Variants in AKR1C1 observed in about 807,000 individuals in gnomAD.
AKR1C1 encodes 20 alpha-hydroxysteroid dehydrogenase.
In AKR1C1, 32 loss-of-function variants were observed where a neutral mutation model predicts 40.6. The observed-to-expected ratio is 0.79, with a 90% CI of 0.60 to 1.06. AKR1C1 has a LOEUF of 1.06. Ranked by LOEUF, AKR1C1 falls within the 50% of genes least tolerant of loss-of-function variation. The pLI is 0.00. For synonymous variants in AKR1C1, 105 were observed against 134.2 expected (o/e 0.78, Z 1.50); for missense variants, 320 against 363.5 (o/e 0.88, Z 0.97).
Position 4,965,954 on chromosome 10 carries a change from T to C in AKR1C1, c.125T>C (p.Ile42Thr), listed in dbSNP as rs375072627. The change falls in exon 2 of 9, where the codon ATT (isoleucine) becomes ACT (threonine). Residue 42 changes from isoleucine (I) to threonine (T), a missense_variant. Physicochemically the swap from Ile to Thr is moderately conservative, Grantham distance 89 (BLOSUM62 -1). Transcript: ENST00000380872. ...SKALEATKLA[I>T]EAGFRHIDSA... ...GCTTTAGAGGCCACCAAATTGGCAATTGAAGCTGGCTTCCGCCATATTGAT... is the reference window on the plus strand; with the variant it reads ...GCTTTAGAGGCCACCAAATTGGCAACTGAAGCTGGCTTCCGCCATATTGAT... The C allele has an allele frequency of 9.3e-6, 15 of 1,614,188 alleles. No individual in the cohort carries two copies. The African/African-American group carries it at 1.6e-4, about 17-fold the overall frequency.
Position 4,981,588 on chromosome 10 carries a change from A to G in AKR1C1, c.*3846A>G, listed in dbSNP as rs1446369813. ...CAGAGACTTAACAGATATATGAAAAAATTTCACATACACTCTGAAGAAGTC... is the reference window on the plus strand; with the variant it reads ...CAGAGACTTAACAGATATATGAAAAGATTTCACATACACTCTGAAGAAGTC... On this transcript the variant is annotated 3_prime_UTR_variant, in exon 9 of 9. Transcript: ENST00000380872. 1 of 152,216 alleles carries G rather than the reference A, an allele frequency of 6.6e-6. No individual in the cohort carries two copies. Among genetic ancestry groups the G allele is most frequent in the Non-Finnish European group, 1.5e-5 (1 of 68,040 alleles). 9.4% of individuals were successfully genotyped at this position (152,216 alleles called of 1,614,324 possible). A position where few individuals can be genotyped will look rare whatever the true frequency, so the allele number is the denominator to read the frequency against.
chr10:4,980,820 T>G lies in AKR1C1; in HGVS notation c.*3078T>G, dbSNP rs1836603542. On this transcript the variant is annotated 3_prime_UTR_variant, in exon 9 of 9. Transcript: ENST00000380872. ...TGTTCAAGTAAATGTTTTGCCCTCC[T>G]GTCACGAATCATGAATGTTTTTAAT... The G allele has an allele frequency of 6.6e-6, 1 of 152,210 alleles. No individual in the cohort carries two copies. The highest frequency in any genetic ancestry group is 1.9e-4 in the East Asian group (1 of 5,202). The allele number at this position is 152,210 out of a possible 1,614,324, so 9.4% of individuals were successfully genotyped here. A position where few individuals can be genotyped will look rare whatever the true frequency, so the allele number is the denominator to read the frequency against.
At chr10:4,963,662 C>T (rs1362356810) in intron 1 of AKR1C1, 134 bp downstream of exon 1, 13 of 852,422 alleles carry the variant, frequency 1.5e-5, no homozygotes, top group Admixed American at 4.0e-5. Flanking sequence ...TCTGCAATGC[C>T]ATCTTGTCAC....
intron 6 of AKR1C1, 56 bp from the exon 7 acceptor site, chr10:4,972,528 C>A: frequency 1.2e-6 from 2 of 1,610,630 alleles, no homozygotes; most frequent in Non-Finnish European, 1.7e-6. Flanking sequence ...TAGGGAGCCG[C>A]CTAACAAACT....
In AKR1C1 at chr10:4,978,900, A is replaced by C. The variant is rs1836570263; in HGVS notation, c.*1158A>C. ...CTTATACATAATTTTCAGGGGACCT[A>C]AGTTAATCAGCTAATCATGAAGACA... On this transcript the variant is annotated 3_prime_UTR_variant, in exon 9 of 9. Transcript: ENST00000380872. 6.6e-6 allele frequency: 1 copy of C among 152,236 alleles called. No individual in the cohort carries two copies. The highest frequency in any genetic ancestry group is 1.5e-5 in the Non-Finnish European group (1 of 68,040). The allele number at this position is 152,236 out of a possible 1,614,324, so 9.4% of individuals were successfully genotyped here.
intron 7 of AKR1C1, among the ~76,000 whole-genome samples, chr10:4,975,414 T>TA (rs547571728): frequency 7.2e-5 from 11 of 152,168 alleles, no homozygotes; most frequent in Non-Finnish European, 1.6e-4. Flanking sequence ...ATTATTGGCT[T>TA]GAGTGATGTT....
In AKR1C1 at chr10:4,977,777, C is replaced by T. The variant is rs1836550334; in HGVS notation, c.*35C>T. ...CATTGCATGAGGTCTGCCAGAAGGC[C>T]CTGCGTGTGGATGGTGACACAGAGG... On this transcript the variant is annotated 3_prime_UTR_variant, in exon 9 of 9. Coordinates refer to ENST00000380872, the MANE Select transcript of AKR1C1 (RefSeq NM_001353.6). The T allele has an allele frequency of 6.5e-7, 1 of 1,548,562 alleles. No individual in the cohort carries two copies. Among genetic ancestry groups the T allele is most frequent in the African/African-American group, 1.4e-5 (1 of 72,916 alleles).
chr10:4,969,972 T>C (rs1448411608), intron 5 of AKR1C1: 1 of 437,744 alleles, frequency 2.3e-6, no homozygotes, highest in Non-Finnish European at 4.1e-6. Context: ...AGTTCCCCAA[T>C]TTTTTAATAT....
At chr10:4,969,670 T>C (rs762626990) in intron 5 of AKR1C1, 18 of 1,610,426 alleles carry the variant, frequency 1.1e-5, no homozygotes, top group Middle Eastern at 1.9e-4. Flanking sequence ...GTGTTCCTTT[T>C]GTAGCCTAGA....
intron 5 of AKR1C1, among the ~76,000 whole-genome samples, chr10:4,971,862 T>C (rs1482525830): frequency 1.3e-5 from 2 of 151,832 alleles, no homozygotes; most frequent in Non-Finnish European, 2.9e-5. Flanking sequence ...CTCATGAGTC[T>C]TTGACCAAAT....
In AKR1C1 at chr10:4,972,574, T is replaced by G; in HGVS notation, c.681-10T>G. On this transcript the variant is annotated splice_polypyrimidine_tract_variant and intron_variant, in intron 6 of 8. Coordinates refer to ENST00000380872, the MANE Select transcript of AKR1C1 (RefSeq NM_001353.6). ...CCTCAGGGCCTCAGCCTTTCTGCCT[T>G]TCCTTCCAGGGTGGACCCGAACTCC... is the stretch of plus-strand genomic sequence containing the variant. 1 of 1,613,590 alleles carries G rather than the reference T, an allele frequency of 6.2e-7. No individual in the cohort carries two copies. The highest frequency in any genetic ancestry group is 1.7e-5 in the Admixed American group (1 of 59,966).
rs1836566856 is a variant in AKR1C1, at chr10:4,978,675, C to G, written c.*933C>G. The G allele has an allele frequency of 6.6e-6, 1 of 152,104 alleles. No individual in the cohort carries two copies. Among genetic ancestry groups the G allele is most frequent in the African/African-American group, 2.4e-5 (1 of 41,426 alleles). The allele number at this position is 152,104 out of a possible 1,614,324, so 9.4% of individuals were successfully genotyped here. On this transcript the variant is annotated 3_prime_UTR_variant, in exon 9 of 9. Transcript: ENST00000380872. ...TCTTTTAAATATTTTATACATTAAA[C>G]AGGCATAGTTACAAATATAAAACAA...
intron 5 of AKR1C1, among the ~76,000 whole-genome samples, chr10:4,970,621 T>A (rs2131643735): frequency 6.6e-6 from 1 of 152,246 alleles, no homozygotes; most frequent in South Asian, 2.1e-4. Context: ...CATGGAATAC[T>A]ATGCAGCCAT....
chr10:4,979,162 T>C lies in AKR1C1; in HGVS notation c.*1420T>C, dbSNP rs1836575196. The C allele has an allele frequency of 6.6e-6, 1 of 152,240 alleles. No homozygotes were observed. Among genetic ancestry groups the C allele is most frequent in the Admixed American group, 6.5e-5 (1 of 15,278 alleles). The allele number at this position is 152,240 out of a possible 1,614,324, so 9.4% of individuals were successfully genotyped here. On this transcript the variant is annotated 3_prime_UTR_variant, in exon 9 of 9. Coordinates refer to ENST00000380872, the MANE Select transcript of AKR1C1 (RefSeq NM_001353.6). ...GCAGCTCACAGTTTTTTCCGTAAAT[T>C]ACTTATTCTATAAAATTGGAGTAGG...
chr10:4,975,389 G>A (rs189913363), intron 7 of AKR1C1, among the ~76,000 whole-genome samples: 3 of 152,238 alleles, frequency 2.0e-5, no homozygotes, highest in East Asian at 1.9e-4. Flanking sequence ...ATGTGAAATC[G>A]TTAGTATTTA....
intron 7 of AKR1C1, 34 bp downstream of exon 7, chr10:4,972,783 G>A (rs1564317561): frequency 6.2e-7 from 1 of 1,604,138 alleles, no homozygotes; most frequent in East Asian, 2.2e-5. Flanking sequence ...CAGGTCTCCT[G>A]CACAGTGTCC....
intron 2 of AKR1C1, 53 bp downstream of exon 2, chr10:4,966,134 G>A (rs932044894): frequency 6.4e-7 from 1 of 1,572,016 alleles, no homozygotes; most frequent in Non-Finnish European, 8.6e-7. Context: ...TGATTGTGTG[G>A]AGGTGGCAGT....
At chr10:4,963,583 C>T (rs968823472) in intron 1 of AKR1C1, 55 bp downstream of exon 1, 17 of 1,471,480 alleles carry the variant, frequency 1.2e-5, no homozygotes, top group African/African-American at 1.5e-5. Flanking sequence ...TAAGTGGAAG[C>T]TGACCAGGTT....
intron 1 of AKR1C1, 196 bp from the exon 2 acceptor site, chr10:4,965,718 G>T (rs978278660): frequency 2.7e-5 from 15 of 546,884 alleles, no homozygotes; most frequent in African/African-American, 2.7e-4. Flanking sequence ...TTCTGGGACT[G>T]CAGAAGTTCC....
Sources: gnomAD v4.1 joint callset for allele counts (sites outside exome capture counted in the v4.1 genomes callset) on GRCh38, gnomAD v4.1.1 for gene constraint, MANE v1.5 for transcripts, NCBI Gene and HGNC (gene_info 2026-07-23, HGNC 2026-07-21) for gene names.